NEK11: variants seen among roughly 807,000 people sequenced by gnomAD.
NEK11 encodes NIMA related kinase 11.
Under a neutral mutation model 80.7 loss-of-function variants are expected in NEK11, and 72 were observed. That is an observed-to-expected ratio of 0.89 (90% CI 0.74 to 1.08). The LOEUF is 1.08. Ranked by LOEUF, NEK11 falls within the 50% of genes least tolerant of loss-of-function variation. The pLI, the probability that NEK11 is intolerant of heterozygous loss-of-function variation, is 0.00. For synonymous variants in NEK11, 251 were observed against 260.7 expected (o/e 0.96, Z 0.36); for missense variants, 764 against 763.6 (o/e 1.00, Z -0.01).
At chr3:131,169,726 CTTCTCT>C (rs1018291368) in intron 13 of NEK11, among the ~76,000 whole-genome samples, 2 of 152,188 alleles carry the variant, frequency 1.3e-5, no homozygotes, top group Non-Finnish European at 2.9e-5. Flanking sequence ...AGACCATGTC[CTTCTCT>C]TTCTAAGAGA....
chr3:131,273,796 G>A (rs978506928), intron 17 of NEK11, among the ~76,000 whole-genome samples: 4 of 152,122 alleles, frequency 2.6e-5, no homozygotes, highest in African/African-American at 9.7e-5. Flanking sequence ...TTTTTCAGTT[G>A]ATTTGCACTT....
chr3:131,237,877 C>T (rs528070319), intron 15 of NEK11, among the ~76,000 whole-genome samples: 1 of 152,302 alleles, frequency 6.6e-6, no homozygotes, highest in Non-Finnish European at 1.5e-5. Flanking sequence ...CTACTTACTA[C>T]CTGCATTCCT....
At chr3:131,331,219 C>T (rs866529316) in intron 17 of NEK11, among the ~76,000 whole-genome samples, 5 of 152,268 alleles carry the variant, frequency 3.3e-5, no homozygotes, top group South Asian at 2.1e-4. Context: ...CACAGCTCAC[C>T]GGTAACAGAA....
At chr3:131,028,552 TTTTTTGTTTTTGTTTTTG>T (rs140998369) in intron 2 of NEK11, among the ~76,000 whole-genome samples, 1 of 149,894 alleles carries the variant, frequency 6.7e-6, no homozygotes, top group Non-Finnish European at 1.5e-5. Context: ...TGCCTTTCTT[TTTTTTGTTTTTGTTTTTG>T]TTTTTGTTTT....
chr3:131,150,430 C>T (rs745337705), intron 7 of NEK11, among the ~76,000 whole-genome samples: 50 of 151,952 alleles, frequency 3.3e-4, no homozygotes, highest in Non-Finnish European at 5.9e-4. Context: ...ACATGATGCA[C>T]ATGCACACAC....
rs149793916 is a variant in NEK11, at chr3:131,060,442, C to G, written c.171-19981C>G. 9.0e-4 allele frequency among the ~76,000 whole-genome samples: 137 copies of G among 152,334 alleles called. 2 individuals are homozygous for G. In the East Asian group the frequency reaches 0.026, roughly 29 times the overall value. On this transcript the variant is annotated intron_variant, in intron 3 of 17. Coordinates refer to ENST00000383366, the MANE Select transcript of NEK11 (RefSeq NM_024800.5). The stretch of plus-strand genomic sequence containing the variant: ...CCAAGTTTATCTGGCAAAACATTCT[C>G]TGGATTGAAGGATGATGGATTAAGT...
chr3:131,189,988 C>T (rs766942570), intron 14 of NEK11, among the ~76,000 whole-genome samples: 1 of 152,098 alleles, frequency 6.6e-6, no homozygotes, highest in East Asian at 1.9e-4. Flanking sequence ...GCTCACTTAC[C>T]GTAAGACTTT....
chr3:131,132,761 G>A lies in NEK11; in HGVS notation c.472G>A (p.Asp158Asn), dbSNP rs926108950. 8 of 1,529,886 alleles carry A rather than the reference G, an allele frequency of 5.2e-6. No homozygotes were observed. Among genetic ancestry groups the A allele is most frequent in the Non-Finnish European group, 7.1e-6 (8 of 1,121,664 alleles). The allele number at this position is 1,529,886 out of a possible 1,614,324, so 94.8% of individuals were successfully genotyped here. The change falls in exon 6 of 18, where the codon GAC (aspartate) becomes AAC (asparagine). Residue 158 changes from aspartate (D) to asparagine (N), a missense_variant. Transcript: ENST00000383366. ...CTTTTGTAGGAGGATACTTCATCGA[G>A]ACTTAAAGTCAAAGAATGTATTTCT... Reference protein sequence around the residue: ...YMHERRILHRDLKSKNVFLKN... With the variant: ...YMHERRILHRNLKSKNVFLKN...
intron 16 of NEK11, among the ~76,000 whole-genome samples, chr3:131,250,682 A>G (rs2095684437): frequency 6.6e-6 from 1 of 152,118 alleles, no homozygotes; most frequent in Non-Finnish European, 1.5e-5. Flanking sequence ...CAGGCCTGGG[A>G]AATAATCCAT....
chr3:131,192,506 T>C (rs2093836888), intron 14 of NEK11, among the ~76,000 whole-genome samples: 3 of 152,172 alleles, frequency 2.0e-5, no homozygotes, highest in Non-Finnish European at 4.4e-5. Flanking sequence ...AGCAGCACTA[T>C]TCACCATAGC....
rs201392573 is a variant in NEK11, at chr3:131,228,528, A to G, written c.1400A>G (p.Glu467Gly). The change falls in exon 15 of 18, where the codon GAG becomes GGG. Residue 467 changes from glutamate to glycine, a missense_variant and splice_region_variant. Physicochemically the swap from Glu to Gly is moderately conservative, Grantham distance 98. Transcript: ENST00000383366. ...TCTGACTGTTTGTTCATTATTTCAGAGATCCCAGAAGACCCACTTGTGGCT... is the reference window on the plus strand; with the variant it reads ...TCTGACTGTTTGTTCATTATTTCAGGGATCCCAGAAGACCCACTTGTGGCT... ...EDATSDLGYH[E>G]IPEDPLVAEE... 6.1e-5 allele frequency: 98 copies of G among 1,600,736 alleles called. No individual in the cohort carries two copies. The highest frequency in any genetic ancestry group is 8.3e-5 in the Non-Finnish European group (97 of 1,173,936).
At chr3:131,198,322 T>A (rs553379671) in intron 14 of NEK11, among the ~76,000 whole-genome samples, 5 of 152,322 alleles carry the variant, frequency 3.3e-5, no homozygotes, top group African/African-American at 1.2e-4. Flanking sequence ...TCAAGTGGCA[T>A]AGGTTTGAGC....
chr3:131,341,033 G>C (rs1376304882), intron 17 of NEK11, among the ~76,000 whole-genome samples: 1 of 152,144 alleles, frequency 6.6e-6, no homozygotes, highest in Non-Finnish European at 1.5e-5. Context: ...AGGAAACATA[G>C]GAACTCTTTT....
At chr3:131,210,338 C>T (rs917062599) in intron 14 of NEK11, among the ~76,000 whole-genome samples, 7 of 152,170 alleles carry the variant, frequency 4.6e-5, no homozygotes, top group Non-Finnish European at 1.0e-4. Context: ...GTCTGAGAGA[C>T]AGTTTGTTAT....
chr3:131,313,378 T>A (rs1429977306), intron 17 of NEK11, among the ~76,000 whole-genome samples: 2 of 152,186 alleles, frequency 1.3e-5, no homozygotes, highest in Non-Finnish European at 2.9e-5. Flanking sequence ...CTATTTTAGC[T>A]TTTTGAGGAA....
chr3:131,304,736 T>C (rs571232176), intron 17 of NEK11, among the ~76,000 whole-genome samples: 2 of 152,290 alleles, frequency 1.3e-5, no homozygotes, highest in Non-Finnish European at 2.9e-5. Context: ...AGGAACCTGC[T>C]GCACTAGGGG....
intron 3 of NEK11, chr3:131,053,801 A>G (rs919905837): frequency 3.3e-5 from 5 of 152,266 alleles, no homozygotes; most frequent in Non-Finnish European, 5.9e-5. Context: ...CTATTTAACT[A>G]TAAGACTGTG....
intron 4 of NEK11, among the ~76,000 whole-genome samples, chr3:131,096,434 G>A (rs374833067): frequency 6.6e-6 from 1 of 152,062 alleles, no homozygotes; most frequent in Admixed American, 6.6e-5. Context: ...TGATTGGTGG[G>A]CACCTAAGCT....
At chr3:131,324,159 G>A (rs779660173) in intron 17 of NEK11, among the ~76,000 whole-genome samples, 6 of 152,216 alleles carry the variant, frequency 3.9e-5, no homozygotes, top group Non-Finnish European at 7.3e-5. Flanking sequence ...TGGGCATGGC[G>A]AAGGGGTCAG....
Sources: gnomAD v4.1 joint callset for allele counts (sites outside exome capture counted in the v4.1 genomes callset) on GRCh38, gnomAD v4.1.1 for gene constraint, MANE v1.5 for transcripts, NCBI Gene and HGNC (gene_info 2026-07-23, HGNC 2026-07-21) for gene names.